The following ATP8A2 variants were observed in gnomAD, a reference collection of about 807,000 sequenced individuals.
ATP8A2 encodes ATPase phospholipid transporting 8A2, also known as phospholipid-transporting ATPase IB.
A neutral mutation model predicts 165.6 loss-of-function variants in ATP8A2; 100 were observed. That is an observed-to-expected ratio of 0.60 (90% CI 0.51 to 0.71). ATP8A2 has a LOEUF of 0.71. Ranked by LOEUF, ATP8A2 falls within the 30% of genes least tolerant of loss-of-function variation. The pLI, the probability that ATP8A2 is intolerant of heterozygous loss-of-function variation, is 0.00. For synonymous variants in ATP8A2, 543 were observed against 548.8 expected (o/e 0.99, Z 0.15); for missense variants, 1,227 against 1,479.5 (o/e 0.83, Z 2.80).
At chr13:25,430,022 AT>A (rs977969195) in intron 1 of ATP8A2, among the ~76,000 whole-genome samples, 4 of 152,180 alleles carry the variant, frequency 2.6e-5, no homozygotes, top group African/African-American at 9.7e-5. Context: ...GAGGGAGAAA[AT>A]CAGTCATGGC....
At chr13:25,623,395 C>G (rs868360928) in intron 24 of ATP8A2, among the ~76,000 whole-genome samples, 5 of 151,788 alleles carry the variant, frequency 3.3e-5, no homozygotes, top group South Asian at 4.2e-4. Context: ...GACTTAGTCT[C>G]CACAATAGCA....
chr13:25,782,894 C>T (rs1441467512), intron 27 of ATP8A2, among the ~76,000 whole-genome samples: 3 of 152,010 alleles, frequency 2.0e-5, no homozygotes, highest in African/African-American at 7.2e-5. Context: ...CACGTGCCAC[C>T]GCACCTGGCT....
chr13:25,804,045 T>C (rs951297798), intron 27 of ATP8A2, among the ~76,000 whole-genome samples: 4 of 152,226 alleles, frequency 2.6e-5, no homozygotes, highest in Non-Finnish European at 5.9e-5. Flanking sequence ...AGATGAGTTT[T>C]TAGAGAAAAA....
intron 25 of ATP8A2, 95 bp from the exon 26 acceptor site, chr13:25,768,951 C>A: frequency 8.4e-7 from 1 of 1,188,986 alleles, no homozygotes; most frequent in Non-Finnish European, 1.2e-6. Flanking sequence ...TGGAGATCGT[C>A]CAGTAACTGT....
At position 26,021,658 on chromosome 13, in the gene ATP8A2, T is replaced by C. The variant is rs1957083873; in HGVS notation, c.*1673T>C. 1.3e-5 allele frequency: 2 copies of C among 152,194 alleles called. No individual in the cohort carries two copies. The highest frequency in any genetic ancestry group is 2.9e-5 in the Non-Finnish European group (2 of 68,048). 9.4% of individuals were successfully genotyped at this position (152,194 alleles called of 1,614,324 possible). On this transcript the variant is annotated 3_prime_UTR_variant, in exon 37 of 37. Transcript: ENST00000381655. ...TGCTCTGGTTGCCAAACCAGATTTTTGGATGGCCTAAATACTTGTGGGCAA... is the reference window on the plus strand; with the variant it reads ...TGCTCTGGTTGCCAAACCAGATTTTCGGATGGCCTAAATACTTGTGGGCAA...
At chr13:25,905,678 C>T (rs140585445) in intron 33 of ATP8A2, among the ~76,000 whole-genome samples, 1 of 152,330 alleles carries the variant, frequency 6.6e-6, no homozygotes, top group African/African-American at 2.4e-5. Context: ...ATCTACTCTC[C>T]AGCCTCGGTG....
intron 33 of ATP8A2, among the ~76,000 whole-genome samples, chr13:25,917,063 G>A (rs902922166): frequency 1.1e-4 from 17 of 152,074 alleles, no homozygotes; most frequent in African/African-American, 3.9e-4. Context: ...ACTTCTTAGT[G>A]CGTTAACAGA....
At chr13:25,863,906 G>A (rs1241605403) in intron 33 of ATP8A2, among the ~76,000 whole-genome samples, 4 of 152,176 alleles carry the variant, frequency 2.6e-5, no homozygotes, top group Non-Finnish European at 5.9e-5. Flanking sequence ...CCAGACAGTA[G>A]AGGAAATTAG....
chr13:25,893,216 A>G (rs1429175378), intron 33 of ATP8A2, among the ~76,000 whole-genome samples: 1 of 98,158 alleles, frequency 1.0e-5, no homozygotes. Context: ...CCACCCCACA[A>G]CAGTCCCCGG....
chr13:25,880,840 A>G, intron 33 of ATP8A2: 1 of 446,588 alleles, frequency 2.2e-6, no homozygotes, highest in Admixed American at 2.4e-5. Flanking sequence ...TGGTTTGGGT[A>G]AAAAGGTGGC....
At chr13:25,506,365 A>G (rs17727739) in intron 2 of ATP8A2, among the ~76,000 whole-genome samples, 19,358 of 152,250 alleles carry the variant, frequency 0.13, 1,435 homozygotes, top group Non-Finnish European at 0.18. Flanking sequence ...AAGGTATAGA[A>G]TAGTCCCAGT....
intron 1 of ATP8A2, among the ~76,000 whole-genome samples, chr13:25,399,391 G>GTTC (rs1322849290): frequency 4.0e-5 from 2 of 49,978 alleles, no homozygotes; most frequent in African/African-American, 1.2e-4. Context: ...TTTCTTAGTG[G>GTTC]TTCTTCTTTT....
intron 30 of ATP8A2, among the ~76,000 whole-genome samples, chr13:25,844,678 C>T (rs915842443): frequency 4.6e-5 from 7 of 152,154 alleles, no homozygotes; most frequent in South Asian, 2.1e-4. Context: ...AGGACTCTCC[C>T]CTCCTGCAAG....
intron 35 of ATP8A2, among the ~76,000 whole-genome samples, chr13:25,999,132 A>G (rs897032638): frequency 6.6e-6 from 1 of 152,162 alleles, no homozygotes; most frequent in South Asian, 2.1e-4. Flanking sequence ...CACACATGCA[A>G]TTTTACATAT....
rs1323340387 is a variant in ATP8A2 at position 25,739,287 on chromosome 13, G to GAA, written c.2385-29758_2385-29757insAA. Among the ~76,000 whole-genome samples the GAA allele has an allele frequency of 2.0e-5, 3 of 152,218 alleles. No individual in the cohort carries two copies. In the East Asian group the frequency reaches 5.8e-4, roughly 29 times the overall value. ...CTGCTGTCTGCTCATCAGGGGCTTT[G>GAA]AGTGTATCTCACATATCATAAGTGG... is the stretch of plus-strand genomic sequence containing the variant. On this transcript the variant is annotated intron_variant, in intron 25 of 36. Transcript: ENST00000381655.
At chr13:25,878,070 G>T (rs1200333320) in intron 33 of ATP8A2, among the ~76,000 whole-genome samples, 1 of 152,154 alleles carries the variant, frequency 6.6e-6, no homozygotes, top group East Asian at 1.9e-4. Flanking sequence ...GAAGAATGGG[G>T]GTTCACTTAC....
intron 33 of ATP8A2, among the ~76,000 whole-genome samples, chr13:25,908,113 G>A (rs980979624): frequency 2.0e-5 from 3 of 152,108 alleles, no homozygotes; most frequent in African/African-American, 2.4e-5. Flanking sequence ...TATAACATTC[G>A]TCATTTGAGA....
At chr13:25,741,230 A>T (rs2043903851) in intron 25 of ATP8A2, among the ~76,000 whole-genome samples, 1 of 152,220 alleles carries the variant, frequency 6.6e-6, no homozygotes, top group South Asian at 2.1e-4. Context: ...ATTCTAAGGA[A>T]GCTAAGTTGG....
At chr13:25,937,358 C>CTTTG (rs1566284206) in intron 33 of ATP8A2, among the ~76,000 whole-genome samples, 1 of 11,838 alleles carries the variant, frequency 8.4e-5, no homozygotes, top group Admixed American at 1.1e-3. Context: ...TCTATTCTTT[C>CTTTG]TTTCTTTTTT....
Sources: allele counts gnomAD v4.1 joint callset (sites outside exome capture counted in the v4.1 genomes callset), GRCh38; gene constraint gnomAD v4.1.1; transcripts MANE v1.5; gene names NCBI Gene and HGNC (gene_info 2026-07-23, HGNC 2026-07-21).